The following TRMT11 variants were observed in gnomAD, a reference collection of about 807,000 sequenced individuals.
The protein encoded by TRMT11 is tRNA (guanine(10)-N(2))-methyltransferase TRMT11.
Under a neutral mutation model 62.8 loss-of-function variants are expected in TRMT11, and 53 were observed. The observed-to-expected ratio is 0.84, with a 90% CI of 0.68 to 1.06. The LOEUF is 1.06. Among genes scored for constraint, TRMT11 ranks in the 50% least tolerant of loss-of-function variants. The pLI is 0.00. For missense variants in TRMT11, 556 were observed against 553.4 expected (o/e 1.00, Z -0.05); for synonymous variants, 188 against 190.3 (o/e 0.99, Z 0.10).
At chr6:126,137,231 A>G (rs931299236) in intron 21 of TRMT11, among the ~76,000 whole-genome samples, 1 of 151,908 alleles carries the variant, frequency 6.6e-6, no homozygotes, top group South Asian at 2.1e-4. Context: ...TTTTCAAACT[A>G]TCCATCTGAA....
chr6:126,218,676 C>T, the TRMT11 span, among the ~76,000 whole-genome samples: 3 of 152,322 alleles, frequency 2.0e-5, no homozygotes, highest in African/African-American at 4.8e-5. Context: ...CTGCCAGCTG[C>T]GCTCCCTGGG....
At chr6:126,017,302 A>G (rs1274598696) in intron 11 of TRMT11, among the ~76,000 whole-genome samples, 1 of 152,200 alleles carries the variant, frequency 6.6e-6, no homozygotes, top group African/African-American at 2.4e-5. Context: ...AAGTTCAGGT[A>G]TTATTTTAAC....
At chr6:126,161,561 T>C (rs1778190491) in intron 21 of TRMT11, among the ~76,000 whole-genome samples, 2 of 152,224 alleles carry the variant, frequency 1.3e-5, no homozygotes, top group South Asian at 4.1e-4. Flanking sequence ...TGTGTCTTTA[T>C]ATTAGAATGA....
At chr6:126,145,706 T>C (rs1777967008) in intron 21 of TRMT11, among the ~76,000 whole-genome samples, 1 of 152,198 alleles carries the variant, frequency 6.6e-6, no homozygotes, top group Non-Finnish European at 1.5e-5. Context: ...CTTGTCACTT[T>C]ATCTACTGTG....
At chr6:126,164,570 T>A (rs1478563921) in intron 21 of TRMT11, among the ~76,000 whole-genome samples, 1 of 152,220 alleles carries the variant, frequency 6.6e-6, no homozygotes, top group East Asian at 1.9e-4. Flanking sequence ...ATATTGACAG[T>A]GGAGTGTTAA....
At chr6:126,067,911 A>ATT (rs1776736974) in intron 17 of TRMT11, among the ~76,000 whole-genome samples, 1 of 152,120 alleles carries the variant, frequency 6.6e-6, no homozygotes, top group Non-Finnish European at 1.5e-5. Flanking sequence ...GTTTTTTAAA[A>ATT]ATAATAGCTT....
At chr6:126,089,046 G>A (rs927924319) in intron 17 of TRMT11, among the ~76,000 whole-genome samples, 2 of 151,532 alleles carry the variant, frequency 1.3e-5, no homozygotes, top group African/African-American at 4.8e-5. Context: ...GTCTTATTTT[G>A]TAATTTTAAA....
chr6:126,248,910 A>C, the TRMT11 span, among the ~76,000 whole-genome samples: 44 of 152,284 alleles, frequency 2.9e-4, no homozygotes, highest in African/African-American at 8.9e-4. Flanking sequence ...CATCGAAAGA[A>C]ATCCAGTTAA....
chr6:126,225,702 T>C, the TRMT11 span, among the ~76,000 whole-genome samples: 2 of 126,980 alleles, frequency 1.6e-5, no homozygotes, highest in African/African-American at 2.7e-5. Context: ...TTTTTTTTTT[T>C]TTTTTTTTGA....
At chr6:126,003,256 C>T (rs1004145060) in intron 7 of TRMT11, among the ~76,000 whole-genome samples, 2 of 151,986 alleles carry the variant, frequency 1.3e-5, no homozygotes, top group Non-Finnish European at 2.9e-5. Flanking sequence ...TTTCTTAAAA[C>T]GTTATGAGAA....
chr6:126,248,268 A>C, the TRMT11 span, among the ~76,000 whole-genome samples: 3 of 152,158 alleles, frequency 2.0e-5, no homozygotes, highest in African/African-American at 7.2e-5. Context: ...TCAATGAAAC[A>C]GAGTACTTAA....
chr6:126,013,058 T>G lies in TRMT11; in HGVS notation c.1096T>G (p.Leu366Val), dbSNP rs369894819. 1 of 1,613,830 alleles carries G rather than the reference T, an allele frequency of 6.2e-7. No homozygotes were observed. The highest frequency in any genetic ancestry group is 8.5e-7 in the Non-Finnish European group (1 of 1,179,948). Reference protein sequence around the residue: ...LLNFAAETLVLGGRLVYWLPV... With the variant: ...LLNFAAETLVVGGRLVYWLPV... Reference sequence around the variant, plus strand: ...AAACTTCGCAGCTGAGACCCTCGTTTTAGGTGGAAGACTAGTCTATTGGTT... The same window carrying G: ...AAACTTCGCAGCTGAGACCCTCGTTGTAGGTGGAAGACTAGTCTATTGGTT... Residue 366 changes from leucine (L) to valine (V), a missense_variant, in exon 11 of 13, where the codon TTA becomes GTA. By Grantham distance (32) the Leu-to-Val change is conservative. Coordinates refer to ENST00000334379, the MANE Select transcript of TRMT11 (RefSeq NM_001031712.3).
At chr6:126,079,899 G>A (rs1233867987) in intron 17 of TRMT11, among the ~76,000 whole-genome samples, 1 of 152,138 alleles carries the variant, frequency 6.6e-6, no homozygotes, top group Non-Finnish European at 1.5e-5. Context: ...CCAAGTAGCA[G>A]CACTGATCCA....
intron 1 of TRMT11, among the ~76,000 whole-genome samples, chr6:126,184,975 A>G (rs910800987): frequency 6.6e-6 from 1 of 152,212 alleles, no homozygotes; most frequent in African/African-American, 2.4e-5. Context: ...ATTATTAAAC[A>G]ACTTTAAGTA....
At chr6:126,070,587 CTT>C (rs1310835259) in intron 17 of TRMT11, among the ~76,000 whole-genome samples, 1 of 152,114 alleles carries the variant, frequency 6.6e-6, no homozygotes, top group Non-Finnish European at 1.5e-5. Flanking sequence ...CCTTCCCTCT[CTT>C]TTCTTCTGCC....
the TRMT11 span, among the ~76,000 whole-genome samples, chr6:126,219,367 G>A: frequency 6.6e-6 from 1 of 152,116 alleles, no homozygotes; most frequent in Admixed American, 6.6e-5. Flanking sequence ...TAGCTCTTTA[G>A]TTAATCTTGT....
At chr6:126,022,687 T>C (rs1478439495) in intron 12 of TRMT11, among the ~76,000 whole-genome samples, 2 of 152,198 alleles carry the variant, frequency 1.3e-5, no homozygotes, top group Admixed American at 1.3e-4. Context: ...ATTTTCAGTG[T>C]GACATAAACT....
At chr6:126,244,119 TG>T in the TRMT11 span, among the ~76,000 whole-genome samples, 1 of 152,202 alleles carries the variant, frequency 6.6e-6, no homozygotes, top group South Asian at 2.1e-4. Flanking sequence ...ATCTGAGTGA[TG>T]GGTTTCTAAG....
At chr6:126,057,223 C>T (rs370911679) in intron 17 of TRMT11, among the ~76,000 whole-genome samples, 1 of 152,206 alleles carries the variant, frequency 6.6e-6, no homozygotes, top group African/African-American at 2.4e-5. Flanking sequence ...CTTCCTCTTT[C>T]CTCTCACCTA....
Sources: gnomAD v4.1 joint callset for allele counts (sites outside exome capture counted in the v4.1 genomes callset) on GRCh38, gnomAD v4.1.1 for gene constraint, MANE v1.5 for transcripts, NCBI Gene and HGNC (gene_info 2026-07-23, HGNC 2026-07-21) for gene names.